Variants in LRMDA observed in about 807,000 individuals in gnomAD.
LRMDA encodes the protein leucine rich melanocyte differentiation associated.
LRMDA carries 18 observed loss-of-function variants against 29.8 expected under a neutral mutation model. The ratio of observed to expected loss-of-function variants is 0.60; its 90% CI spans 0.42 to 0.90. The LOEUF (loss-of-function observed/expected upper bound fraction) is 0.90, where lower values mean the gene tolerates loss of function less well. LRMDA is among the 40% of genes least tolerant of loss of function. The pLI, the probability that LRMDA is intolerant of heterozygous loss-of-function variation, is 0.00. For missense variants in LRMDA, 273 were observed against 273.9 expected (o/e 1.00, Z 0.02); for synonymous variants, 125 against 109.4 (o/e 1.14, Z -0.89).
At chr10:75,926,065 G>A (rs935606550) in intron 2 of LRMDA, among the ~76,000 whole-genome samples, 6 of 152,178 alleles carry the variant, frequency 3.9e-5, no homozygotes, top group African/African-American at 1.4e-4. Flanking sequence ...CAGGTAGTCT[G>A]GTAGCAGAGT....
intron 6 of LRMDA, among the ~76,000 whole-genome samples, chr10:76,533,022 A>G (rs1843251382): frequency 6.6e-6 from 1 of 152,168 alleles, no homozygotes; most frequent in South Asian, 2.1e-4. Context: ...AATTATTTTC[A>G]TAGTTGTAAT....
At chr10:76,543,134 G>A (rs1436813167) in intron 6 of LRMDA, among the ~76,000 whole-genome samples, 1 of 152,122 alleles carries the variant, frequency 6.6e-6, no homozygotes, top group East Asian at 1.9e-4. Flanking sequence ...CCAATAGCAA[G>A]GAACCCTTCA....
intron 2 of LRMDA, among the ~76,000 whole-genome samples, chr10:75,607,854 C>G (rs1465826972): frequency 2.5e-4 from 27 of 109,698 alleles, no homozygotes; most frequent in South Asian, 2.8e-4. Context: ...TTTTTTGGAG[C>G]CCAAGATTTT....
intron 2 of LRMDA, among the ~76,000 whole-genome samples, chr10:76,002,839 G>C (rs1847583849): frequency 6.6e-6 from 1 of 152,192 alleles, no homozygotes; most frequent in African/African-American, 2.4e-5. Context: ...GGTTGTGCCA[G>C]ACTGCAAAGA....
Position 75,438,407 on chromosome 10 carries a change from G to T in LRMDA, c.44G>T (p.Gly15Val). The T allele has an allele frequency of 1.9e-6, 3 of 1,550,928 alleles. No homozygotes were observed. The highest frequency in any genetic ancestry group is 2.6e-6 in the Non-Finnish European group (3 of 1,146,948). Residue 15 changes from glycine to valine, a missense_variant, in exon 2 of 7, where the codon GGC becomes GTC. Gly to Val is a moderately radical substitution (Grantham distance 109). Transcript: ENST00000611255. ...VVRGTQVSYI[G>V]QDCREIPEHL... is the part of the protein sequence containing the mutation. ...TTTAATTTCCAGGTGTCCTACATAG[G>T]CCAGGACTGCAGAGAAATTCCAGAG...
At chr10:76,089,363 A>T (rs1247880581) in intron 5 of LRMDA, among the ~76,000 whole-genome samples, 1 of 152,246 alleles carries the variant, frequency 6.6e-6, no homozygotes, top group Non-Finnish European at 1.5e-5. Flanking sequence ...ATGTGACTTA[A>T]GAATGAGTTG....
At chr10:75,566,786 T>A (rs1357292340) in intron 2 of LRMDA, among the ~76,000 whole-genome samples, 1 of 152,216 alleles carries the variant, frequency 6.6e-6, no homozygotes, top group African/African-American at 2.4e-5. Context: ...TTCCACTGTT[T>A]CAGTTGACGT....
chr10:76,522,158 T>G (rs1843127789), intron 6 of LRMDA, among the ~76,000 whole-genome samples: 1 of 152,184 alleles, frequency 6.6e-6, no homozygotes. Flanking sequence ...TATATTGAGT[T>G]TTTCTTGAAT....
chr10:76,404,578 G>C (rs1357138602), intron 6 of LRMDA, among the ~76,000 whole-genome samples: 1 of 152,118 alleles, frequency 6.6e-6, no homozygotes. Context: ...GACACACTGG[G>C]TGTGTTCCCT....
At chr10:76,387,799 C>G (rs1841678118) in intron 6 of LRMDA, among the ~76,000 whole-genome samples, 1 of 152,042 alleles carries the variant, frequency 6.6e-6, no homozygotes, top group African/African-American at 2.4e-5. Context: ...CTTATAATAA[C>G]AAGTGGGGAA....
chr10:75,991,164 T>C (rs1564624612), intron 2 of LRMDA, among the ~76,000 whole-genome samples: 2 of 152,208 alleles, frequency 1.3e-5, no homozygotes, highest in Non-Finnish European at 2.9e-5. Context: ...TACATATACA[T>C]ATGTATGTAC....
chr10:76,249,014 A>C (rs1028829814), intron 5 of LRMDA, among the ~76,000 whole-genome samples: 1 of 152,204 alleles, frequency 6.6e-6, no homozygotes, highest in Non-Finnish European at 1.5e-5. Context: ...AACTCTGTAC[A>C]CAAAGATCAG....
chr10:75,704,906 C>T (rs749453330), intron 2 of LRMDA, among the ~76,000 whole-genome samples: 18 of 152,154 alleles, frequency 1.2e-4, no homozygotes, highest in Non-Finnish European at 2.4e-4. Context: ...AAGGGTAATA[C>T]ACAGAGAATA....
At chr10:75,770,725 G>A (rs1333403025) in intron 2 of LRMDA, among the ~76,000 whole-genome samples, 1 of 152,206 alleles carries the variant, frequency 6.6e-6, no homozygotes, top group Non-Finnish European at 1.5e-5. Context: ...TGGGTGAAGT[G>A]AGGCTGCTGG....
At chr10:76,510,359 C>G (rs1455453240) in intron 6 of LRMDA, among the ~76,000 whole-genome samples, 1 of 152,190 alleles carries the variant, frequency 6.6e-6, no homozygotes, top group Non-Finnish European at 1.5e-5. Context: ...GCGTGAGCCA[C>G]CACCCCCAGC....
chr10:76,191,957 A>G (rs1428806803), intron 5 of LRMDA, among the ~76,000 whole-genome samples: 2 of 152,150 alleles, frequency 1.3e-5, no homozygotes, highest in African/African-American at 4.8e-5. Flanking sequence ...ACAGAAAAAG[A>G]CTTGTGGGCA....
chr10:75,487,324 T>C (rs965873884), intron 2 of LRMDA, among the ~76,000 whole-genome samples: 1 of 152,240 alleles, frequency 6.6e-6, no homozygotes, highest in African/African-American at 2.4e-5. Context: ...TGGTGAATGA[T>C]GGGCTCATGT....
At chr10:76,027,412 A>C (rs906917258) in intron 2 of LRMDA, among the ~76,000 whole-genome samples, 5 of 152,238 alleles carry the variant, frequency 3.3e-5, no homozygotes, top group African/African-American at 9.6e-5. Flanking sequence ...ATGTATATTC[A>C]TGATAGAAAA....
chr10:75,646,045 C>T (rs1033897329), intron 2 of LRMDA, among the ~76,000 whole-genome samples: 2 of 151,552 alleles, frequency 1.3e-5, no homozygotes, highest in East Asian at 1.9e-4. Context: ...TGTGCCCCCA[C>T]CTCCATCCTC....
Sources: gnomAD v4.1 joint callset for allele counts (sites outside exome capture counted in the v4.1 genomes callset) on GRCh38, gnomAD v4.1.1 for gene constraint, MANE v1.5 for transcripts, NCBI Gene and HGNC (gene_info 2026-07-23, HGNC 2026-07-21) for gene names.